Variants in GALNTL6 observed in about 807,000 individuals in gnomAD.
The protein encoded by GALNTL6 is polypeptide N-acetylgalactosaminyltransferase-like 6.
GALNTL6 carries 46 observed loss-of-function variants against 73.7 expected under a neutral mutation model. The ratio of observed to expected loss-of-function variants is 0.62; its 90% CI spans 0.49 to 0.80. The LOEUF is 0.80. GALNTL6 is among the 30% of genes least tolerant of loss of function. The pLI is 0.00. For missense variants in GALNTL6, 604 were observed against 755.0 expected, an observed-to-expected ratio of 0.80 and a Z score of 2.34; for synonymous variants, 259 against 263.7, an observed-to-expected ratio of 0.98 and a Z score of 0.17.
At chr4:171,929,443 G>C (rs1738105059) in intron 2 of GALNTL6, among the ~76,000 whole-genome samples, 1 of 152,142 alleles carries the variant, frequency 6.6e-6, no homozygotes, top group African/African-American at 2.4e-5. Context: ...GTGAGCACAA[G>C]GGCCAACTAG....
chr4:172,241,796 A>G (rs1186091165), intron 3 of GALNTL6, among the ~76,000 whole-genome samples: 1 of 152,254 alleles, frequency 6.6e-6, no homozygotes, highest in East Asian at 1.9e-4. Context: ...TATATTTTCT[A>G]TGTGTAATAC....
chr4:172,358,640 G>A (rs1736519062), intron 5 of GALNTL6, among the ~76,000 whole-genome samples: 1 of 152,056 alleles, frequency 6.6e-6, no homozygotes, highest in Non-Finnish European at 1.5e-5. Context: ...CTCCTTGTCT[G>A]AACCATTGCA....
intron 5 of GALNTL6, among the ~76,000 whole-genome samples, chr4:172,706,739 G>T (rs1734380000): frequency 6.6e-6 from 1 of 152,128 alleles, no homozygotes; most frequent in Non-Finnish European, 1.5e-5. Flanking sequence ...GGGGATCCCA[G>T]TGGGGATACC....
intron 7 of GALNTL6, among the ~76,000 whole-genome samples, chr4:172,856,366 A>G (rs1744121598): frequency 6.6e-6 from 1 of 152,224 alleles, no homozygotes; most frequent in African/African-American, 2.4e-5. Context: ...TTCCACATAC[A>G]GCATTTTTTC....
chr4:172,026,333 CT>C (rs1179576679), intron 2 of GALNTL6, among the ~76,000 whole-genome samples: 3 of 152,022 alleles, frequency 2.0e-5, no homozygotes, highest in African/African-American at 7.2e-5. Flanking sequence ...CAGCCTCTTA[CT>C]TTGATGTCAT....
rs559940300 is a variant in GALNTL6 at position 172,396,333 on chromosome 4, G to T, written c.553+47644G>T. On this transcript the variant is annotated intron_variant, in intron 5 of 12. Coordinates refer to ENST00000506823, the MANE Select transcript of GALNTL6 (RefSeq NM_001034845.3). ...TTTTTTTTCTTTTTTTTTTTTTTAAGTCTAAGCCTTTATATTCTACGTGTT... is the reference window on the plus strand; with the variant it reads ...TTTTTTTTCTTTTTTTTTTTTTTAATTCTAAGCCTTTATATTCTACGTGTT... 9.2e-4 allele frequency among the ~76,000 whole-genome samples: 123 copies of T among 134,352 alleles called. 5 individuals carry two copies. The South Asian group carries it at 0.027, about 29-fold the overall frequency. The allele number at this position is 134,352 out of a possible 152,430, so 88.1% of individuals were successfully genotyped here.
In GALNTL6 at chr4:172,370,376, C is replaced by T. The variant is rs189345444; in HGVS notation, c.553+21687C>T. 1.6e-4 allele frequency among the ~76,000 whole-genome samples: 25 copies of T among 152,138 alleles called. No individual in the cohort carries two copies. In the East Asian group the frequency reaches 4.7e-3, roughly 28 times the overall value. ...TAGAAAGGGGAGAAGCCATGTTGCCCAACTCCAGAGGTTGGTATAAGAGTT... is the reference window on the plus strand; with the variant it reads ...TAGAAAGGGGAGAAGCCATGTTGCCTAACTCCAGAGGTTGGTATAAGAGTT... On this transcript the variant is annotated intron_variant, in intron 5 of 12. Transcript: ENST00000506823.
chr4:171,899,713 A>G (rs535639373), intron 2 of GALNTL6, among the ~76,000 whole-genome samples: 1 of 152,340 alleles, frequency 6.6e-6, no homozygotes, highest in Non-Finnish European at 1.5e-5. Context: ...TTTGAGTGTC[A>G]TCTGCTAATA....
intron 5 of GALNTL6, among the ~76,000 whole-genome samples, chr4:172,642,161 G>C (rs1740015915): frequency 6.6e-6 from 1 of 151,940 alleles, no homozygotes; most frequent in Non-Finnish European, 1.5e-5. Flanking sequence ...GTAGAAAACA[G>C]TATGAAGCTT....
intron 5 of GALNTL6, among the ~76,000 whole-genome samples, chr4:172,470,748 G>C (rs1003184266): frequency 6.6e-6 from 1 of 152,092 alleles, no homozygotes; most frequent in Non-Finnish European, 1.5e-5. Flanking sequence ...TCCCAAAACG[G>C]AACAGTTGAT....
intron 7 of GALNTL6, among the ~76,000 whole-genome samples, chr4:172,849,745 A>C (rs1459005947): frequency 1.3e-5 from 2 of 152,160 alleles, no homozygotes; most frequent in African/African-American, 4.8e-5. Context: ...TTTAATCTAC[A>C]TGCAAAACCT....
chr4:172,824,032 G>T (rs58422707), intron 7 of GALNTL6, among the ~76,000 whole-genome samples: 2,674 of 152,230 alleles, frequency 0.018, 68 homozygotes, highest in African/African-American at 0.057. Flanking sequence ...GCAGGGCTGG[G>T]AAGGGCCAGT....
chr4:172,872,303 A>G (rs1744988752), intron 7 of GALNTL6, among the ~76,000 whole-genome samples: 1 of 152,172 alleles, frequency 6.6e-6, no homozygotes, highest in African/African-American at 2.4e-5. Context: ...TATTTTTAGG[A>G]TAAAAATGTG....
At chr4:172,038,091 G>A (rs1369068834) in intron 2 of GALNTL6, among the ~76,000 whole-genome samples, 2 of 150,542 alleles carry the variant, frequency 1.3e-5, no homozygotes, top group South Asian at 2.1e-4. Context: ...GCCCTCCAGC[G>A]TGGCTAACAG....
intron 3 of GALNTL6, among the ~76,000 whole-genome samples, chr4:172,311,227 G>A (rs147491002): frequency 0.01 from 1,537 of 152,242 alleles, 18 homozygotes; most frequent in Admixed American, 0.019. Context: ...ATTTTCAGTG[G>A]AATGGTGTAA....
At chr4:172,679,229 T>C (rs1732485124) in intron 5 of GALNTL6, among the ~76,000 whole-genome samples, 1 of 152,110 alleles carries the variant, frequency 6.6e-6, no homozygotes, top group Admixed American at 6.5e-5. Context: ...CTGGCCAACA[T>C]GGTGAAACCC....
intron 2 of GALNTL6, among the ~76,000 whole-genome samples, chr4:172,120,568 G>T (rs978797793): frequency 6.6e-6 from 1 of 151,822 alleles, no homozygotes; most frequent in African/African-American, 2.4e-5. Context: ...TCCATGTAAA[G>T]TAACATATTG....
intron 2 of GALNTL6, among the ~76,000 whole-genome samples, chr4:171,897,332 T>C (rs1243796264): frequency 6.6e-6 from 1 of 152,180 alleles, no homozygotes; most frequent in Admixed American, 6.5e-5. Context: ...TGACAATCTT[T>C]AAATAAAAGA....
chr4:172,703,551 T>C (rs1311512271), intron 5 of GALNTL6, among the ~76,000 whole-genome samples: 2 of 152,074 alleles, frequency 1.3e-5, no homozygotes, highest in Non-Finnish European at 2.9e-5. Flanking sequence ...TTTTGCTTGA[T>C]CATGGTGAAT....
Sources: gnomAD v4.1 joint callset for allele counts (sites outside exome capture counted in the v4.1 genomes callset) on GRCh38, gnomAD v4.1.1 for gene constraint, MANE v1.5 for transcripts, NCBI Gene and HGNC (gene_info 2026-07-23, HGNC 2026-07-21) for gene names.